ASTN2: variants seen among roughly 807,000 people sequenced by gnomAD.
ASTN2 encodes the protein astrotactin 2, also known as astrotactin-2.
ASTN2 carries 54 observed loss-of-function variants against 139.8 expected under a neutral mutation model. The ratio of observed to expected loss-of-function variants is 0.39; its 90% confidence interval spans 0.31 to 0.48. The LOEUF is 0.48. Ranked by LOEUF, ASTN2 falls within the 20% of genes least tolerant of loss-of-function variation. The probability of loss-of-function intolerance (pLI) is 0.95; values close to 1 mark genes in which losing one functional copy is unlikely to be tolerated. For synonymous variants in ASTN2, 756 were observed against 719.5 expected (o/e 1.05, Z -0.81); for missense variants, 1,565 against 1,725.1 (o/e 0.91, Z 1.64).
chr9:116,688,971 A>C (rs1290352833), intron 16 of ASTN2, among the ~76,000 whole-genome samples: 1 of 152,132 alleles, frequency 6.6e-6, no homozygotes, highest in African/African-American at 2.4e-5. Flanking sequence ...TTTGTCTCCT[A>C]GGAGACATTA....
At chr9:117,259,175 G>C (rs1442880087) in intron 2 of ASTN2, among the ~76,000 whole-genome samples, 1 of 152,076 alleles carries the variant, frequency 6.6e-6, no homozygotes, top group Non-Finnish European at 1.5e-5. Context: ...AGCTCCTGGG[G>C]CTTCACCTCT....
At chr9:116,557,675 T>G (rs1190444651) in intron 19 of ASTN2, 1 of 152,210 alleles carries the variant, frequency 6.6e-6, no homozygotes. Flanking sequence ...GAAAGTACTA[T>G]AATTTGGAAG....
At chr9:117,324,811 C>T (rs187316964) in intron 1 of ASTN2, among the ~76,000 whole-genome samples, 23 of 152,238 alleles carry the variant, frequency 1.5e-4, no homozygotes, top group African/African-American at 5.3e-4. Flanking sequence ...GGAATTTCTC[C>T]TGATATCCAT....
At chr9:116,610,376 G>A (rs1027020848) in intron 19 of ASTN2, among the ~76,000 whole-genome samples, 12 of 152,266 alleles carry the variant, frequency 7.9e-5, no homozygotes, top group Non-Finnish European at 1.3e-4. Flanking sequence ...AGGCTGAGGC[G>A]GGTGGATCAC....
At chr9:116,829,034 T>A (rs1382522005) in intron 11 of ASTN2, among the ~76,000 whole-genome samples, 4 of 151,840 alleles carry the variant, frequency 2.6e-5, no homozygotes, top group Admixed American at 2.0e-4. Flanking sequence ...CAGAGAAACA[T>A]CCCATGCTCA....
At chr9:116,450,270 T>C (rs77210151) in intron 20 of ASTN2, among the ~76,000 whole-genome samples, 5,547 of 152,296 alleles carry the variant, frequency 0.036, 130 homozygotes, top group East Asian at 0.075. Flanking sequence ...GTGACAGAAA[T>C]CACAGCATCG....
chr9:117,379,326 G>A (rs1373031941), intron 1 of ASTN2, among the ~76,000 whole-genome samples: 1 of 152,100 alleles, frequency 6.6e-6, no homozygotes, highest in Admixed American at 6.5e-5. Context: ...AAAGGGACCC[G>A]GTGTTCATTT....
At chr9:117,314,896 A>G (rs946301180) in intron 1 of ASTN2, among the ~76,000 whole-genome samples, 42 of 146,622 alleles carry the variant, frequency 2.9e-4, no homozygotes, top group African/African-American at 1.0e-3. Context: ...TTATATAAAT[A>G]TATTTTTATT....
At chr9:117,295,837 T>C (rs1834718074) in intron 1 of ASTN2, among the ~76,000 whole-genome samples, 1 of 151,936 alleles carries the variant, frequency 6.6e-6, no homozygotes, top group African/African-American at 2.4e-5. Context: ...CAAGAACTAC[T>C]TCCAGAAGGT....
At chr9:117,020,044 G>A (rs959529101) in intron 6 of ASTN2, among the ~76,000 whole-genome samples, 1 of 139,684 alleles carries the variant, frequency 7.2e-6, no homozygotes, top group African/African-American at 2.8e-5. Flanking sequence ...GTGTGTGTGT[G>A]TATGTGTGTG....
chr9:117,219,921 G>T (rs181000256), intron 2 of ASTN2, among the ~76,000 whole-genome samples: 1 of 152,160 alleles, frequency 6.6e-6, no homozygotes, highest in Non-Finnish European at 1.5e-5. Flanking sequence ...CCAGGTGCCT[G>T]GGGGCATACA....
intron 12 of ASTN2, among the ~76,000 whole-genome samples, chr9:116,811,734 T>C (rs1340732929): frequency 1.3e-5 from 2 of 152,232 alleles, no homozygotes; most frequent in African/African-American, 4.8e-5. Flanking sequence ...GTATCTCTCA[T>C]ATAGTATTCA....
intron 19 of ASTN2, among the ~76,000 whole-genome samples, chr9:116,537,339 T>G (rs913180380): frequency 1.3e-5 from 2 of 152,256 alleles, no homozygotes; most frequent in African/African-American, 4.8e-5. Context: ...AATTTATTCA[T>G]GTTTACATAA....
intron 10 of ASTN2, among the ~76,000 whole-genome samples, chr9:116,905,900 C>T (rs1834145953): frequency 6.7e-6 from 1 of 149,774 alleles, no homozygotes; most frequent in Non-Finnish European, 1.5e-5. Flanking sequence ...CGTTTAAGAG[C>T]CTAGGAGTCA....
chr9:117,194,661 C>T (rs1202101606), intron 3 of ASTN2, among the ~76,000 whole-genome samples: 2 of 152,196 alleles, frequency 1.3e-5, no homozygotes, highest in East Asian at 3.8e-4. Context: ...TGTCTTTCCT[C>T]TCCTGCTCAT....
chr9:116,854,612 G>A (rs996304753), intron 11 of ASTN2, among the ~76,000 whole-genome samples: 2 of 151,548 alleles, frequency 1.3e-5, no homozygotes, highest in African/African-American at 4.9e-5. Flanking sequence ...TAGGAGTGCA[G>A]CTTCCATTTC....
At chr9:116,937,637 A>G (rs752220715) in intron 10 of ASTN2, among the ~76,000 whole-genome samples, 9 of 152,166 alleles carry the variant, frequency 5.9e-5, no homozygotes, top group Non-Finnish European at 1.3e-4. Context: ...AAGTTCAAGA[A>G]CTACATTACT....
intron 19 of ASTN2, among the ~76,000 whole-genome samples, chr9:116,609,017 A>G (rs1027767311): frequency 2.6e-5 from 4 of 152,160 alleles, no homozygotes; most frequent in African/African-American, 7.2e-5. Flanking sequence ...GAAGACATGC[A>G]CTAGAAACTA....
chr9:117,351,911 A>G (rs1352534138), intron 1 of ASTN2, among the ~76,000 whole-genome samples: 1 of 152,176 alleles, frequency 6.6e-6, no homozygotes. Context: ...ACCTATCACC[A>G]AAGCTTTTAG....
Sources: allele counts gnomAD v4.1 joint callset (sites outside exome capture counted in the v4.1 genomes callset), GRCh38; gene constraint gnomAD v4.1.1; transcripts MANE v1.5; gene names NCBI Gene and HGNC (gene_info 2026-07-23, HGNC 2026-07-21).